Variants in SRPX observed in about 807,000 individuals in gnomAD.
SRPX encodes the protein sushi repeat containing protein X-linked, also known as sushi repeat-containing protein SRPX.
In SRPX, 24 loss-of-function variants were observed where a neutral mutation model predicts 38.1. The observed-to-expected ratio is 0.63, with a 90% CI of 0.46 to 0.89. The LOEUF is 0.89. SRPX is among the 40% of genes least tolerant of loss of function. The probability of loss-of-function intolerance (pLI) is 0.00; values close to 1 mark genes in which losing one functional copy is unlikely to be tolerated. For missense variants in SRPX, 416 were observed against 377.8 expected, an observed-to-expected ratio of 1.10 and a Z score of -0.84; for synonymous variants, 184 against 153.8, an observed-to-expected ratio of 1.20 and a Z score of -1.45.
At chrX:38,171,402 T>C (rs1359853673) in intron 4 of SRPX, among the ~76,000 whole-genome samples, 1 of 111,568 alleles carries the variant, frequency 9.0e-6, no homozygotes, top group African/African-American at 3.3e-5. Context: ...GACCACACCA[T>C]GGGAACCACT....
At chrX:38,185,498 T>C (rs880018) in intron 1 of SRPX, among the ~76,000 whole-genome samples, 34,877 of 110,809 alleles carry the variant, frequency 0.31, 4,554 homozygotes, top group Non-Finnish European at 0.41. Context: ...CAGAAAAACA[T>C]GATTTAAAGA....
chrX:38,177,179 G>A (rs1415625170), intron 2 of SRPX, among the ~76,000 whole-genome samples: 2 of 111,692 alleles, frequency 1.8e-5, no homozygotes, highest in African/African-American at 3.3e-5. Context: ...GAAGTTTTGC[G>A]AATTAGAACC....
In SRPX at chrX:38,151,105, G is replaced by A. The variant is rs1353198021; in HGVS notation, c.1212-1211C>T. 4.5e-5 allele frequency among the ~76,000 whole-genome samples: 5 copies of A among 112,347 alleles called. No homozygotes were observed. In the East Asian group the frequency reaches 1.4e-3, roughly 31 times the overall value. The stretch of plus-strand genomic sequence containing the variant: ...ACTTTTTTCTGCCTTTTAAGAGGGA[G>A]TTTCGAGGAAGAAGGGAATAATTTG... On this transcript the variant is annotated intron_variant, in intron 9 of 9. Coordinates refer to ENST00000378533, the MANE Select transcript of SRPX (RefSeq NM_006307.5).
chrX:38,200,429 A>C (rs1394503488), intron 1 of SRPX, among the ~76,000 whole-genome samples: 1 of 112,240 alleles, frequency 8.9e-6, no homozygotes, highest in Admixed American at 9.4e-5. Context: ...TTTTGAAATA[A>C]GCTATCTAAT....
chrX:38,178,158 T>C (rs1389876337), intron 2 of SRPX, 127 bp downstream of exon 2: 7 of 407,374 alleles, frequency 1.7e-5, no homozygotes, highest in Non-Finnish European at 2.9e-5. Flanking sequence ...TATTTTTTTT[T>C]CCTTGATAGA....
intron 1 of SRPX, among the ~76,000 whole-genome samples, chrX:38,182,233 C>T (rs1268108934): frequency 8.9e-6 from 1 of 112,285 alleles, no homozygotes; most frequent in East Asian, 2.8e-4. Flanking sequence ...GGATTCGAAT[C>T]CTGTCTGCCT....
intron 2 of SRPX, among the ~76,000 whole-genome samples, chrX:38,175,690 T>C (rs1469371045): frequency 2.7e-5 from 3 of 111,283 alleles, no homozygotes; most frequent in Non-Finnish European, 5.7e-5. Context: ...GTCTGGCTAA[T>C]ACTTTCGTCA....
intron 1 of SRPX, among the ~76,000 whole-genome samples, chrX:38,219,336 T>G (rs1234114349): frequency 1.8e-5 from 2 of 110,485 alleles, no homozygotes; most frequent in Non-Finnish European, 3.8e-5. Context: ...CTCACCTTAT[T>G]TGCCCGCTCC....
At chrX:38,186,899 T>C (rs1396660275) in intron 1 of SRPX, among the ~76,000 whole-genome samples, 1 of 111,540 alleles carries the variant, frequency 9.0e-6, no homozygotes, top group Non-Finnish European at 1.9e-5. Context: ...TGAGACTCTA[T>C]CCTTGCTTAG....
intron 1 of SRPX, among the ~76,000 whole-genome samples, chrX:38,191,939 A>T (rs1938913941): frequency 8.9e-6 from 1 of 112,354 alleles, no homozygotes; most frequent in African/African-American, 3.2e-5. Flanking sequence ...ATGCCTTAAC[A>T]CACTAGTTTT....
At chrX:38,185,490 G>T (rs1209616716) in intron 1 of SRPX, among the ~76,000 whole-genome samples, 1 of 111,809 alleles carries the variant, frequency 8.9e-6, no homozygotes, top group East Asian at 2.8e-4. Context: ...GGCATTGCCA[G>T]AAAAACATGA....
intron 1 of SRPX, among the ~76,000 whole-genome samples, chrX:38,187,976 C>T (rs6609400): frequency 9.0e-6 from 1 of 111,392 alleles, no homozygotes; most frequent in African/African-American, 3.3e-5. Flanking sequence ...AGGAGTAGAG[C>T]GAAAAAGAAA....
intron 2 of SRPX, among the ~76,000 whole-genome samples, chrX:38,177,424 T>C (rs752876483): frequency 2.7e-5 from 3 of 111,287 alleles, no homozygotes; most frequent in South Asian, 7.7e-4. Context: ...CAGTCAAAAG[T>C]TGTCCAGTCC....
intron 2 of SRPX, among the ~76,000 whole-genome samples, chrX:38,177,535 A>G (rs1938587433): frequency 1.2e-5 from 1 of 83,991 alleles, no homozygotes; most frequent in Non-Finnish European, 2.3e-5. Context: ...GCCGCAGTGA[A>G]ACTTTGTTAA....
intron 1 of SRPX, among the ~76,000 whole-genome samples, chrX:38,216,018 A>G (rs182089559): frequency 8.9e-6 from 1 of 112,198 alleles, no homozygotes; most frequent in East Asian, 2.8e-4. Flanking sequence ...TCTAGTAACT[A>G]GTGGTTTTGA....
intron 1 of SRPX, among the ~76,000 whole-genome samples, chrX:38,189,953 T>A (rs1179382002): frequency 8.9e-6 from 1 of 112,190 alleles, no homozygotes; most frequent in East Asian, 2.8e-4. Context: ...AATATCAGAA[T>A]GAGACATCCA....
chrX:38,153,104 G>A (rs1214299883), intron 9 of SRPX, among the ~76,000 whole-genome samples: 1 of 111,408 alleles, frequency 9.0e-6, no homozygotes, highest in Non-Finnish European at 1.9e-5. Flanking sequence ...TAGGTACTGA[G>A]TAGCCAATAT....
At chrX:38,209,040 C>T (rs1939269460) in intron 1 of SRPX, among the ~76,000 whole-genome samples, 1 of 106,616 alleles carries the variant, frequency 9.4e-6, no homozygotes, top group Admixed American at 1.0e-4. Context: ...AAGTGGTCAG[C>T]CTACAATTTT....
In SRPX at chrX:38,166,423, C is replaced by G. The variant is rs1264944634; in HGVS notation, c.527-1528G>C. Among the ~76,000 whole-genome samples, 3 of 111,864 alleles carry G rather than the reference C, an allele frequency of 2.7e-5. No homozygotes were observed. The Admixed American group carries it at 2.8e-4, about 11-fold the overall frequency. ...ACCATATTTTGTTGAATCTAAGTCA[C>G]TCCTAATTGTGAAATGCATCCCTAT... On this transcript the variant is annotated intron_variant, in intron 4 of 9. Coordinates refer to ENST00000378533, the MANE Select transcript of SRPX (RefSeq NM_006307.5).
Sources: gnomAD v4.1 joint callset for allele counts (sites outside exome capture counted in the v4.1 genomes callset) on GRCh38, gnomAD v4.1.1 for gene constraint, MANE v1.5 for transcripts, NCBI Gene and HGNC (gene_info 2026-07-23, HGNC 2026-07-21) for gene names.